The following SPINT2 variants were observed in gnomAD, a reference collection of about 807,000 sequenced individuals.
SPINT2 encodes kunitz-type protease inhibitor 2.
In SPINT2, 18 loss-of-function variants were observed where a neutral mutation model predicts 30.1. The observed-to-expected ratio is 0.60, with a 90% CI of 0.41 to 0.89. The LOEUF is 0.89. SPINT2 is among the 40% of genes least tolerant of loss of function. The pLI, the probability that SPINT2 is intolerant of heterozygous loss-of-function variation, is 0.00. For missense variants in SPINT2, 276 were observed against 334.3 expected, an observed-to-expected ratio of 0.83 and a Z score of 1.36; for synonymous variants, 139 against 137.9, an observed-to-expected ratio of 1.01 and a Z score of -0.05.
intron 1 of SPINT2, chr19:38,265,232 G>A (rs1968364246): frequency 4.2e-6 from 2 of 472,538 alleles, no homozygotes; most frequent in East Asian, 7.7e-5. Flanking sequence ...TTCGGGTGGA[G>A]GAAGAGTCAA....
intron 1 of SPINT2, among the ~76,000 whole-genome samples, chr19:38,272,561 T>G (rs1335419453): frequency 3.9e-5 from 6 of 152,190 alleles, no homozygotes; most frequent in Admixed American, 3.9e-4. Context: ...CTTAGAAGAT[T>G]TGAAACTATT....
At chr19:38,283,256 A>G (rs924706748) in intron 1 of SPINT2, among the ~76,000 whole-genome samples, 7 of 152,172 alleles carry the variant, frequency 4.6e-5, no homozygotes, top group African/African-American at 1.2e-4. Flanking sequence ...CAGAGGTTGC[A>G]GTGAGCTGAG....
At chr19:38,276,382 C>T (rs1425291089) in intron 1 of SPINT2, among the ~76,000 whole-genome samples, 2 of 152,146 alleles carry the variant, frequency 1.3e-5, no homozygotes, top group South Asian at 2.1e-4. Flanking sequence ...GTGGCTCACG[C>T]CTGTAATCCC....
intron 1 of SPINT2, among the ~76,000 whole-genome samples, chr19:38,268,737 G>A (rs949108914): frequency 2.0e-5 from 3 of 150,588 alleles, no homozygotes; most frequent in African/African-American, 7.3e-5. Context: ...ACATTACAGT[G>A]TGAGACAGAG....
In SPINT2 at chr19:38,290,466, A is replaced by G; in HGVS notation, c.554-71A>G. 6.2e-7 allele frequency: 1 copy of G among 1,612,790 alleles called. No individual in the cohort carries two copies. Among genetic ancestry groups the G allele is most frequent in the Non-Finnish European group, 8.5e-7 (1 of 1,179,308 alleles). The stretch of plus-strand genomic sequence containing the variant: ...GAGCTCCCCATGGAGGCCCTGGCTG[A>G]GGGGATCCCCTGCGGCAGCTCTGTG... On this transcript the variant is annotated intron_variant, in intron 5 of 6. Coordinates refer to ENST00000301244, the MANE Select transcript of SPINT2 (RefSeq NM_021102.4). The surrounding 1 kb of genome is among the most constrained non-coding windows in gnomAD (Gnocchi z 4.3).
chr19:38,269,461 A>C (rs568746183), intron 1 of SPINT2, among the ~76,000 whole-genome samples: 9 of 134,058 alleles, frequency 6.7e-5, no homozygotes, highest in African/African-American at 2.6e-4. Flanking sequence ...ACTGGAGTGC[A>C]GTGGCGCCAT....
intron 4 of SPINT2, 133 bp from the exon 5 acceptor site, chr19:38,289,986 A>G (rs1024489626): frequency 2.6e-5 from 27 of 1,028,008 alleles, no homozygotes; most frequent in Non-Finnish European, 3.9e-5. Context: ...CTTGGGTGTA[A>G]TTTACAGGCT....
intron 2 of SPINT2, among the ~76,000 whole-genome samples, chr19:38,286,634 T>G (rs1289726144): frequency 3.9e-5 from 6 of 151,932 alleles, no homozygotes; most frequent in Non-Finnish European, 8.8e-5. Flanking sequence ...CAAAAAAAAA[T>G]TAGCCGGGCC....
Position 38,283,640 on chromosome 19 carries a change from G to A in SPINT2, c.120G>A (p.Val40=), listed in dbSNP as rs2146274899. Residue 40 remains valine, a synonymous_variant, in exon 2 of 7, where the codon GTG becomes GTA. Coordinates refer to ENST00000301244, the MANE Select transcript of SPINT2 (RefSeq NM_021102.4). ...TTCGCGTTTCAGACTTCTGCCTGGT[G>A]TCGAAGGTGGTGGGCAGATGCCGGG... ...RERSIHDFCL[V]SKVVGRCRAS... The A allele has an allele frequency of 6.2e-7, 1 of 1,614,052 alleles. No individual in the cohort carries two copies. The highest frequency in any genetic ancestry group is 8.5e-7 in the Non-Finnish European group (1 of 1,180,004).
intron 4 of SPINT2, 124 bp from the exon 5 acceptor site, chr19:38,289,995 C>A: frequency 9.1e-7 from 1 of 1,094,600 alleles, no homozygotes; most frequent in Non-Finnish European, 1.4e-6. Context: ...AATTTACAGG[C>A]TTCTTTACCA....
intron 1 of SPINT2, among the ~76,000 whole-genome samples, chr19:38,267,282 TC>T (rs934295596): frequency 2.0e-5 from 3 of 152,300 alleles, no homozygotes; most frequent in African/African-American, 4.8e-5. Flanking sequence ...GACTTTTTTT[TC>T]CTCGCTCCTT....
intron 1 of SPINT2, among the ~76,000 whole-genome samples, chr19:38,268,762 C>CGTGTGTGT (rs35138811): frequency 7.8e-5 from 10 of 127,870 alleles, no homozygotes; most frequent in East Asian, 2.7e-4. Flanking sequence ...AGCATGCGCG[C>CGTGTGTGT]GCGCGTGTGT....
intron 3 of SPINT2, 160 bp downstream of exon 3, chr19:38,288,095 C>G: frequency 1.3e-6 from 1 of 764,152 alleles, no homozygotes; most frequent in Non-Finnish European, 2.3e-6. Context: ...GCTTCTGGCT[C>G]CAGCATCCTT....
chr19:38,288,788 C>T (rs1352414519), intron 3 of SPINT2: 2 of 305,756 alleles, frequency 6.5e-6, no homozygotes, highest in Non-Finnish European at 1.3e-5. Context: ...TCTGCTAGCC[C>T]CCCCACACAC....
At chr19:38,288,851 G>C in intron 3 of SPINT2, 1 of 429,416 alleles carries the variant, frequency 2.3e-6, no homozygotes, top group South Asian at 2.3e-5. Context: ...CACTGTATTA[G>C]AAAGTGTGAA....
chr19:38,283,824 G>A, intron 2 of SPINT2, 27 bp downstream of exon 2: 3 of 823,486 alleles, frequency 3.6e-6, no homozygotes, highest in Non-Finnish European at 5.2e-6. Flanking sequence ...TGGAGCTTTT[G>A]TTTTTTTCCT....
rs932364635 is a variant in SPINT2 at position 38,290,441 on chromosome 19, G to A, written c.554-96G>A. On this transcript the variant is annotated intron_variant, in intron 5 of 6. Coordinates refer to ENST00000301244, the MANE Select transcript of SPINT2 (RefSeq NM_021102.4). This position sits in a 1 kb window ranked among gnomAD's most constrained non-coding sequence, Gnocchi z 4.3. ...AAGCTGGAAGAAAGCCCCTCAGAAAGAGCTCCCCATGGAGGCCCTGGCTGA... is the reference window on the plus strand; with the variant it reads ...AAGCTGGAAGAAAGCCCCTCAGAAAAAGCTCCCCATGGAGGCCCTGGCTGA... The A allele has an allele frequency of 3.7e-6, 6 of 1,607,632 alleles. No homozygotes were observed. Among genetic ancestry groups the A allele is most frequent in the Non-Finnish European group, 5.1e-6 (6 of 1,176,398 alleles).
intron 1 of SPINT2, among the ~76,000 whole-genome samples, chr19:38,266,828 G>A (rs1968384578): frequency 6.6e-6 from 1 of 152,210 alleles, no homozygotes; most frequent in African/African-American, 2.4e-5. Flanking sequence ...CAGGAATGCA[G>A]ACGTTGATCA....
At position 38,275,802 on chromosome 19, in the gene SPINT2, A is replaced by G. The variant is rs1266893747; in HGVS notation, c.107-7825A>G. 2.0e-5 allele frequency among the ~76,000 whole-genome samples: 3 copies of G among 150,280 alleles called. No homozygotes were observed. The Admixed American group carries it at 2.0e-4, about 10-fold the overall frequency. ...AGGCTGGAGTGCAATGGATCAGCTCACTGCAACCTGTGCCTCCTGGGTTCA... is the reference window on the plus strand; with the variant it reads ...AGGCTGGAGTGCAATGGATCAGCTCGCTGCAACCTGTGCCTCCTGGGTTCA... On this transcript the variant is annotated intron_variant, in intron 1 of 6. Transcript: ENST00000301244.
Sources: gnomAD v4.1 joint callset for allele counts (sites outside exome capture counted in the v4.1 genomes callset) on GRCh38, gnomAD v4.1.1 for gene constraint, Gnocchi (gnomAD v3.1) non-coding constraint, MANE v1.5 for transcripts, NCBI Gene and HGNC (gene_info 2026-07-23, HGNC 2026-07-21) for gene names.